Variants in COL23A1 observed in about 807,000 individuals in gnomAD.
The protein encoded by COL23A1 is collagen alpha-1(XXIII) chain.
In COL23A1, 97 loss-of-function variants were observed where a neutral mutation model predicts 99.3. The observed-to-expected ratio is 0.98, with a 90% confidence interval of 0.83 to 1.16. The LOEUF (loss-of-function observed/expected upper bound fraction) is 1.16, where lower values mean the gene tolerates loss of function less well. COL23A1 is among the 50% of genes most tolerant of loss of function. COL23A1 has a pLI of 0.00. For synonymous variants in COL23A1, 320 were observed against 308.2 expected, an observed-to-expected ratio of 1.04 and a Z score of -0.40; for missense variants, 762 against 757.4, an observed-to-expected ratio of 1.01 and a Z score of -0.07.
chr5:178,358,434 TGTGTGTATGTGTGTATATGTATGC>T (rs1761941898), intron 2 of COL23A1, among the ~76,000 whole-genome samples: 1 of 145,694 alleles, frequency 6.9e-6, no homozygotes, highest in Non-Finnish European at 1.5e-5. Context: ...TGTATGTGTA[TGTGTGTATGTGTGTATATGTATGC>T]GTATGTGTAT....
rs2127543651 is a variant in COL23A1, at chr5:178,255,618, A to G, written c.883-592T>C. Among the ~76,000 whole-genome samples, 1 of 152,258 alleles carries G rather than the reference A, an allele frequency of 6.6e-6. No homozygotes were observed. The highest frequency in any genetic ancestry group is 2.4e-5 in the African/African-American group (1 of 41,560). ...CCAGGCTGCTCTTTGCTTGGGGTACAGTGAAGGCTGGGGAGCACTTTGGTC... is the reference window on the plus strand; with the variant it reads ...CCAGGCTGCTCTTTGCTTGGGGTACGGTGAAGGCTGGGGAGCACTTTGGTC... On this transcript the variant is annotated intron_variant, in intron 15 of 28. Coordinates refer to ENST00000390654, the MANE Select transcript of COL23A1 (RefSeq NM_173465.4). This position sits in a 1 kb window ranked among gnomAD's most constrained non-coding sequence, Gnocchi z 4.2.
At chr5:178,322,650 C>T (rs1377171946) in intron 2 of COL23A1, among the ~76,000 whole-genome samples, 2 of 151,928 alleles carry the variant, frequency 1.3e-5, no homozygotes, top group Admixed American at 6.5e-5. Context: ...CCGAGGTAAC[C>T]GCAGACATTA....
chr5:178,472,952 C>CTA (rs1756834430), intron 2 of COL23A1, among the ~76,000 whole-genome samples: 1 of 152,130 alleles, frequency 6.6e-6, no homozygotes, highest in Non-Finnish European at 1.5e-5. Context: ...GAGTGAGACT[C>CTA]TATCTCTACA....
intron 2 of COL23A1, among the ~76,000 whole-genome samples, chr5:178,331,181 T>G (rs1478766957): frequency 6.6e-6 from 1 of 152,242 alleles, no homozygotes; most frequent in Non-Finnish European, 1.5e-5. Context: ...CATGCTATGT[T>G]CCCTTCTGGG....
chr5:178,525,868 C>A (rs1316422752), intron 2 of COL23A1, among the ~76,000 whole-genome samples: 1 of 152,264 alleles, frequency 6.6e-6, no homozygotes, highest in African/African-American at 2.4e-5. Flanking sequence ...CGGCCTAGGC[C>A]AGAAGCACTG....
chr5:178,549,241 G>A (rs962288280), intron 2 of COL23A1, among the ~76,000 whole-genome samples: 4 of 151,676 alleles, frequency 2.6e-5, no homozygotes, highest in Admixed American at 6.6e-5. Flanking sequence ...TTATCCACCC[G>A]CCTCGGCCTC....
At chr5:178,299,779 A>G (rs1452945937) in intron 3 of COL23A1, among the ~76,000 whole-genome samples, 1 of 151,556 alleles carries the variant, frequency 6.6e-6, no homozygotes, top group African/African-American at 2.4e-5. Flanking sequence ...TTTGAGACTG[A>G]GACTGGCTCT....
intron 1 of COL23A1, among the ~76,000 whole-genome samples, chr5:178,561,423 A>C (rs554294790): frequency 4.7e-4 from 71 of 152,274 alleles, no homozygotes; most frequent in African/African-American, 1.4e-3. Context: ...CCACAGAACG[A>C]GGGTCAAAAG....
At position 178,309,595 on chromosome 5, in the gene COL23A1, A is replaced by T. The variant is rs1044665494; in HGVS notation, c.362-2676T>A. Among the ~76,000 whole-genome samples the T allele has an allele frequency of 2.0e-5, 3 of 151,886 alleles. No individual in the cohort carries two copies. The highest frequency in any genetic ancestry group is 4.4e-5 in the Non-Finnish European group (3 of 67,974). On this transcript the variant is annotated intron_variant, in intron 2 of 28. Coordinates refer to ENST00000390654, the MANE Select transcript of COL23A1 (RefSeq NM_173465.4). This position sits in a 1 kb window ranked among gnomAD's most constrained non-coding sequence, Gnocchi z 4.7. ...TACCTAAATGTCCAACTCCACTGGG[A>T]GGCACCACTTCCAAACTCAAGCTCA...
intron 2 of COL23A1, among the ~76,000 whole-genome samples, chr5:178,491,742 T>G (rs538712044): frequency 1.3e-5 from 2 of 152,232 alleles, no homozygotes; most frequent in East Asian, 3.9e-4. Flanking sequence ...TTTTAATTAA[T>G]TAATTATTTT....
chr5:178,467,048 C>T (rs1259531856), intron 2 of COL23A1, among the ~76,000 whole-genome samples: 2 of 152,222 alleles, frequency 1.3e-5, no homozygotes, highest in Admixed American at 1.3e-4. Context: ...AATGCCGTGG[C>T]AGCACATACA....
chr5:178,380,877 G>A (rs989054084), intron 2 of COL23A1, among the ~76,000 whole-genome samples: 4 of 152,208 alleles, frequency 2.6e-5, no homozygotes, highest in Non-Finnish European at 5.9e-5. Context: ...GGGGACAGCT[G>A]AGGCCAAGGC....
At chr5:178,548,634 CCT>C (rs575663015) in intron 2 of COL23A1, among the ~76,000 whole-genome samples, 197 of 151,236 alleles carry the variant, frequency 1.3e-3, no homozygotes, top group African/African-American at 4.6e-3. Context: ...CTCCCTGCAA[CCT>C]CTGTTTCCCA....
At chr5:178,282,712 A>T (rs138293210) in intron 5 of COL23A1, among the ~76,000 whole-genome samples, 383 of 152,320 alleles carry the variant, frequency 2.5e-3, no homozygotes, top group African/African-American at 8.6e-3. Context: ...CGCACCCAGC[A>T]AGCACTCAAT....
intron 2 of COL23A1, among the ~76,000 whole-genome samples, chr5:178,502,573 C>A (rs912803197): frequency 3.3e-5 from 5 of 152,116 alleles, no homozygotes; most frequent in African/African-American, 1.2e-4. Flanking sequence ...AATTCATAGG[C>A]CATTTACACA....
At chr5:178,524,017 G>A (rs1046100346) in intron 2 of COL23A1, among the ~76,000 whole-genome samples, 6 of 152,156 alleles carry the variant, frequency 3.9e-5, no homozygotes, top group Non-Finnish European at 7.3e-5. Context: ...GAGCGTCTGC[G>A]GGGACACTGG....
At chr5:178,377,749 CAGGG>C (rs1763156085) in intron 2 of COL23A1, among the ~76,000 whole-genome samples, 1 of 152,184 alleles carries the variant, frequency 6.6e-6, no homozygotes, top group East Asian at 1.9e-4. Flanking sequence ...AGAGCAGGTG[CAGGG>C]CAGGCCGAGG....
At position 178,309,967 on chromosome 5, in the gene COL23A1, G is replaced by T. The variant is rs1442504254; in HGVS notation, c.362-3048C>A. Among the ~76,000 whole-genome samples, 1 of 152,196 alleles carries T rather than the reference G, an allele frequency of 6.6e-6. No homozygotes were observed. The highest frequency in any genetic ancestry group is 6.5e-5 in the Admixed American group (1 of 15,288). The stretch of plus-strand genomic sequence containing the variant: ...GGGGGGAGAGGGAGGGAGGGAGAAG[G>T]GGACAGGCAGGGAGGCCTCAGGTCT... On this transcript the variant is annotated intron_variant, in intron 2 of 28. Transcript: ENST00000390654. This position sits in a 1 kb window ranked among gnomAD's most constrained non-coding sequence, Gnocchi z 4.7.
chr5:178,377,052 C>T (rs1204096716), intron 2 of COL23A1, among the ~76,000 whole-genome samples: 1 of 152,188 alleles, frequency 6.6e-6, no homozygotes, highest in African/African-American at 2.4e-5. Context: ...GTCTCAAGGA[C>T]AAATGCGATG....
Sources: gnomAD v4.1 joint callset for allele counts (sites outside exome capture counted in the v4.1 genomes callset) on GRCh38, gnomAD v4.1.1 for gene constraint, Gnocchi (gnomAD v3.1) non-coding constraint, MANE v1.5 for transcripts, NCBI Gene and HGNC (gene_info 2026-07-23, HGNC 2026-07-21) for gene names.